Variants in DPYSL3 observed in about 807,000 individuals in gnomAD.
The protein encoded by DPYSL3 is dihydropyrimidinase like 3.
DPYSL3 carries 16 observed loss-of-function variants against 66.1 expected under a neutral mutation model. That is an observed-to-expected ratio of 0.24 (90% CI 0.16 to 0.37). DPYSL3 has a LOEUF of 0.37. DPYSL3 is among the 10% of genes least tolerant of loss of function. The pLI is 1.00. For synonymous variants in DPYSL3, 338 were observed against 345.1 expected, an observed-to-expected ratio of 0.98 and a Z score of 0.23; for missense variants, 738 against 916.2, an observed-to-expected ratio of 0.81 and a Z score of 2.51.
At chr5:147,397,525 G>T in intron 12 of DPYSL3, 141 bp downstream of exon 12, 1 of 926,532 alleles carries the variant, frequency 1.1e-6, no homozygotes, top group Non-Finnish European at 1.5e-6. Flanking sequence ...AGTCTGTGTA[G>T]TTGTTCTTGG....
chr5:147,398,625 A>G (rs1458320619), intron 11 of DPYSL3, among the ~76,000 whole-genome samples: 1 of 152,210 alleles, frequency 6.6e-6, no homozygotes, highest in Non-Finnish European at 1.5e-5. Flanking sequence ...AGAAGTCATC[A>G]CTGCTGTTTA....
chr5:147,487,166 C>T (rs571619562), intron 1 of DPYSL3, among the ~76,000 whole-genome samples: 5 of 152,210 alleles, frequency 3.3e-5, no homozygotes, highest in Admixed American at 1.3e-4. Context: ...CCTAATCACT[C>T]GGATTTCCTG....
At chr5:147,457,880 AGAGTCC>A (rs1296641243) in intron 1 of DPYSL3, among the ~76,000 whole-genome samples, 1 of 152,220 alleles carries the variant, frequency 6.6e-6, no homozygotes, top group Non-Finnish European at 1.5e-5. Flanking sequence ...ATCTTTGCAC[AGAGTCC>A]AGTAGCTGGG....
At position 147,509,107 on chromosome 5, in the gene DPYSL3, G is replaced by A. The variant is rs1487247073; in HGVS notation, c.381+371C>T. Among the ~76,000 whole-genome samples the A allele has an allele frequency of 6.6e-6, 1 of 152,170 alleles. No homozygotes were observed. Among genetic ancestry groups the A allele is most frequent in the Admixed American group, 6.5e-5 (1 of 15,280 alleles). On this transcript the variant is annotated intron_variant, in intron 1 of 13. Coordinates refer to ENST00000343218, the MANE Select transcript of DPYSL3 (RefSeq NM_001197294.2). This position sits in a 1 kb window ranked among gnomAD's most constrained non-coding sequence, Gnocchi z 5.3. ...AGATTTAATCTAGGGCCAGAGGGGG[G>A]CAAGACAATTGTGCTGTTGGCTACT...
At chr5:147,405,226 T>C (rs890075924) in intron 8 of DPYSL3, among the ~76,000 whole-genome samples, 1 of 152,188 alleles carries the variant, frequency 6.6e-6, no homozygotes, top group African/African-American at 2.4e-5. Context: ...TATTCACTTG[T>C]GTTTGTTTAA....
At chr5:147,398,932 G>T in intron 11 of DPYSL3, 150 bp downstream of exon 11, 1 of 1,111,414 alleles carries the variant, frequency 9.0e-7, no homozygotes, top group Non-Finnish European at 1.3e-6. Context: ...CACAGTTGAG[G>T]TTTTGAGCCA....
At position 147,413,667 on chromosome 5, in the gene DPYSL3, AG is replaced by A. The variant is rs534052200; in HGVS notation, c.821-11del. ...ATGAAGGAGTTAACCCCTGCAAAAG[AG>A]GGACAGGAGGAAAAACAAGAGAAAG... On this transcript the variant is annotated splice_polypyrimidine_tract_variant and intron_variant, in intron 4 of 13. Coordinates refer to ENST00000343218, the MANE Select transcript of DPYSL3 (RefSeq NM_001197294.2). The A allele has an allele frequency of 7.7e-4, 1,245 of 1,607,156 alleles. 11 individuals are homozygous for A. In the African/African-American group the frequency reaches 0.015, roughly 19 times the overall value.
intron 11 of DPYSL3, 125 bp from the exon 12 acceptor site, chr5:147,397,970 T>C (rs1758046502): frequency 1.0e-6 from 1 of 989,864 alleles, no homozygotes; most frequent in Admixed American, 3.0e-5. Context: ...AAGCTCACCA[T>C]GCATCTGCAA....
At chr5:147,445,145 G>T (rs1377303755) in intron 1 of DPYSL3, among the ~76,000 whole-genome samples, 1 of 152,122 alleles carries the variant, frequency 6.6e-6, no homozygotes, top group Non-Finnish European at 1.5e-5. Flanking sequence ...TTTGTTGCAG[G>T]CAATAAGTAT....
At chr5:147,494,351 T>C (rs1336470538) in intron 1 of DPYSL3, among the ~76,000 whole-genome samples, 2 of 152,072 alleles carry the variant, frequency 1.3e-5, no homozygotes, top group African/African-American at 4.8e-5. Flanking sequence ...AGATTTCTTT[T>C]CTTTTTAAAT....
chr5:147,504,062 T>G (rs1446626604), intron 1 of DPYSL3, among the ~76,000 whole-genome samples: 2 of 152,216 alleles, frequency 1.3e-5, no homozygotes, highest in Admixed American at 6.5e-5. Flanking sequence ...AGTCACAGAT[T>G]GCATCCTCCT....
Position 147,498,008 on chromosome 5 carries a change from C to T in DPYSL3, c.381+11470G>A, listed in dbSNP as rs768783315. Among the ~76,000 whole-genome samples, 6 of 151,680 alleles carry T rather than the reference C, an allele frequency of 4.0e-5. 1 individual carries two copies. In the East Asian group the frequency reaches 5.8e-4, roughly 15 times the overall value. ...CTGTTACATAGGTAAACTTGTGTCA[C>T]GGGAGTTTGTTGCACAGATTATTTC... On this transcript the variant is annotated intron_variant, in intron 1 of 13. Coordinates refer to ENST00000343218, the MANE Select transcript of DPYSL3 (RefSeq NM_001197294.2).
At chr5:147,436,788 G>A (rs1239943061) in intron 1 of DPYSL3, among the ~76,000 whole-genome samples, 1 of 152,208 alleles carries the variant, frequency 6.6e-6, no homozygotes, top group African/African-American at 2.4e-5. Context: ...GGAAAGTGAC[G>A]CAGATGCAGA....
chr5:147,445,371 C>A (rs1243187919), intron 1 of DPYSL3, among the ~76,000 whole-genome samples: 2 of 152,146 alleles, frequency 1.3e-5, no homozygotes, highest in Non-Finnish European at 2.9e-5. Context: ...AAGAGTCTGG[C>A]CTTATTTAGA....
intron 1 of DPYSL3, among the ~76,000 whole-genome samples, chr5:147,498,545 AC>A (rs766648292): frequency 1.3e-5 from 2 of 151,900 alleles, no homozygotes; most frequent in Non-Finnish European, 2.9e-5. Context: ...ACTAATTTAC[AC>A]TCCCACCAAC....
At chr5:147,444,405 C>A (rs1199053206) in intron 1 of DPYSL3, among the ~76,000 whole-genome samples, 1 of 152,080 alleles carries the variant, frequency 6.6e-6, no homozygotes, top group African/African-American at 2.4e-5. Context: ...GTGAATTATT[C>A]TTATTATTAA....
chr5:147,454,959 A>G (rs1215096462), intron 1 of DPYSL3, among the ~76,000 whole-genome samples: 1 of 152,202 alleles, frequency 6.6e-6, no homozygotes, highest in East Asian at 1.9e-4. Context: ...AAGACTTGCT[A>G]TGCAAAAAAA....
At chr5:147,486,348 C>T (rs190237168) in intron 1 of DPYSL3, among the ~76,000 whole-genome samples, 132 of 152,262 alleles carry the variant, frequency 8.7e-4, no homozygotes, top group Admixed American at 2.0e-3. Context: ...AAAGCAATGC[C>T]TGGCATATAA....
intron 1 of DPYSL3, among the ~76,000 whole-genome samples, chr5:147,445,603 A>G (rs1464360503): frequency 1.3e-5 from 2 of 152,186 alleles, no homozygotes; most frequent in Non-Finnish European, 2.9e-5. Context: ...TGGCATGTAC[A>G]TGGCATGATT....
Sources: allele counts gnomAD v4.1 joint callset (sites outside exome capture counted in the v4.1 genomes callset), GRCh38; gene constraint gnomAD v4.1.1; non-coding constraint Gnocchi (gnomAD v3.1); transcripts MANE v1.5; gene names NCBI Gene and HGNC (gene_info 2026-07-23, HGNC 2026-07-21).